RBFOX1: variants seen among roughly 807,000 people sequenced by gnomAD.
RBFOX1 encodes the protein RNA binding protein fox-1 homolog 1.
RBFOX1 carries 8 observed loss-of-function variants against 57.7 expected under a neutral mutation model. The ratio of observed to expected loss-of-function variants is 0.14; its 90% CI spans 0.08 to 0.25. The LOEUF (loss-of-function observed/expected upper bound fraction) is 0.25. Ranked by LOEUF, RBFOX1 falls within the 10% of genes least tolerant of loss-of-function variation. The pLI, the probability that RBFOX1 is intolerant of heterozygous loss-of-function variation, is 1.00. For synonymous variants in RBFOX1, 326 were observed against 222.4 expected (o/e 1.47, Z -4.15); for missense variants, 611 against 548.5 (o/e 1.11, Z -1.14).
intron 1 of RBFOX1, among the ~76,000 whole-genome samples, chr16:5,408,959 C>G (rs1441674777): frequency 6.6e-6 from 1 of 152,216 alleles, no homozygotes; most frequent in Non-Finnish European, 1.5e-5. Flanking sequence ...ACCTCTAATA[C>G]TGGGGATTAC....
At chr16:5,502,320 C>T (rs921398628) in intron 2 of RBFOX1, among the ~76,000 whole-genome samples, 2 of 152,162 alleles carry the variant, frequency 1.3e-5, no homozygotes, top group Non-Finnish European at 2.9e-5. Flanking sequence ...GACTTCTGTG[C>T]TGGTGTGTCC....
chr16:7,259,234 T>G (rs147407817), intron 4 of RBFOX1, among the ~76,000 whole-genome samples: 1 of 152,116 alleles, frequency 6.6e-6, no homozygotes, highest in African/African-American at 2.4e-5. Flanking sequence ...GCTATACAAT[T>G]AAACTGAAGG....
At chr16:6,677,599 C>T (rs886368000) in intron 3 of RBFOX1, among the ~76,000 whole-genome samples, 3 of 152,182 alleles carry the variant, frequency 2.0e-5, no homozygotes, top group African/African-American at 7.2e-5. Context: ...TAGAGCCTTA[C>T]ATTTTCAATC....
chr16:7,538,006 A>G (rs2081960347), intron 5 of RBFOX1, among the ~76,000 whole-genome samples: 1 of 152,224 alleles, frequency 6.6e-6, no homozygotes, highest in South Asian at 2.1e-4. Context: ...TTACTGGAAA[A>G]CAGAGATGAG....
At chr16:5,958,389 C>T (rs939016754) in intron 4 of RBFOX1, among the ~76,000 whole-genome samples, 2 of 152,164 alleles carry the variant, frequency 1.3e-5, no homozygotes, top group Non-Finnish European at 2.9e-5. Flanking sequence ...TTGCCTGCTC[C>T]CTCAAAGCCT....
At chr16:7,259,602 C>T (rs1603451921) in intron 4 of RBFOX1, among the ~76,000 whole-genome samples, 1 of 151,888 alleles carries the variant, frequency 6.6e-6, no homozygotes, top group African/African-American at 2.4e-5. Context: ...AGTTTAAACT[C>T]CAACACTTTC....
At chr16:7,147,219 G>T (rs552036417) in intron 4 of RBFOX1, among the ~76,000 whole-genome samples, 7 of 150,420 alleles carry the variant, frequency 4.7e-5, no homozygotes, top group Non-Finnish European at 7.4e-5. Flanking sequence ...TGGCCAGGCT[G>T]GTCAGGAACT....
intron 2 of RBFOX1, among the ~76,000 whole-genome samples, chr16:6,463,564 A>T (rs2094968930): frequency 6.6e-6 from 1 of 152,082 alleles, no homozygotes; most frequent in Non-Finnish European, 1.5e-5. Flanking sequence ...ACCCAAGCTG[A>T]TGCAAGCAAG....
At chr16:6,494,555 A>G (rs561052319) in intron 2 of RBFOX1, among the ~76,000 whole-genome samples, 2 of 152,210 alleles carry the variant, frequency 1.3e-5, no homozygotes, top group Non-Finnish European at 2.9e-5. Flanking sequence ...TGCATGGTAT[A>G]TATATGTACC....
intron 1 of RBFOX1, among the ~76,000 whole-genome samples, chr16:5,453,440 A>G (rs562060637): frequency 6.6e-6 from 1 of 152,296 alleles, no homozygotes; most frequent in South Asian, 2.1e-4. Context: ...CATACTGTAG[A>G]AGGATAGAGG....
intron 3 of RBFOX1, among the ~76,000 whole-genome samples, chr16:6,899,866 T>C (rs1393225859): frequency 1.3e-5 from 2 of 152,326 alleles, no homozygotes; most frequent in East Asian, 3.9e-4. Flanking sequence ...AGTAGGGCCA[T>C]GTCCAGGTGT....
chr16:6,107,198 C>T (rs749089201), intron 1 of RBFOX1, among the ~76,000 whole-genome samples: 1 of 151,910 alleles, frequency 6.6e-6, no homozygotes, highest in Non-Finnish European at 1.5e-5. Context: ...TTCTGGGTCC[C>T]CATCTGTGGC....
intron 4 of RBFOX1, among the ~76,000 whole-genome samples, chr16:5,953,354 G>A (rs9936566): frequency 0.18 from 26,616 of 151,256 alleles, 2,647 homozygotes; most frequent in Admixed American, 0.26. Context: ...AGGTTATTTG[G>A]GGACAGGTTA....
At chr16:6,319,144 C>G (rs1379273329) in intron 2 of RBFOX1, among the ~76,000 whole-genome samples, 1 of 152,080 alleles carries the variant, frequency 6.6e-6, no homozygotes, top group Non-Finnish European at 1.5e-5. Flanking sequence ...AGGATTTTAG[C>G]AGGAGCGATG....
chr16:6,889,009 G>T (rs1165353662), intron 3 of RBFOX1, among the ~76,000 whole-genome samples: 1 of 152,098 alleles, frequency 6.6e-6, no homozygotes, highest in Non-Finnish European at 1.5e-5. Flanking sequence ...CACTTAGATT[G>T]CAAATAAGTC....
At chr16:6,655,872 T>G (rs948837198) in intron 3 of RBFOX1, among the ~76,000 whole-genome samples, 2 of 152,202 alleles carry the variant, frequency 1.3e-5, no homozygotes, top group African/African-American at 4.8e-5. Context: ...TGCTGATTAA[T>G]AAGGTGGTGG....
intron 3 of RBFOX1, among the ~76,000 whole-genome samples, chr16:5,647,219 A>G (rs1244394117): frequency 6.6e-6 from 1 of 152,190 alleles, no homozygotes; most frequent in Non-Finnish European, 1.5e-5. Context: ...AGGTTTATGA[A>G]GCAAAACAGT....
intron 4 of RBFOX1, among the ~76,000 whole-genome samples, chr16:7,274,809 TGA>T (rs1247812444): frequency 6.6e-6 from 1 of 152,040 alleles, no homozygotes; most frequent in East Asian, 1.9e-4. Context: ...CTCAGCCTCC[TGA>T]GTATCTGGAA....
At chr16:5,535,173 C>T (rs2044646569) in intron 2 of RBFOX1, among the ~76,000 whole-genome samples, 1 of 152,172 alleles carries the variant, frequency 6.6e-6, no homozygotes, top group Admixed American at 6.5e-5. Context: ...AACTGAACAT[C>T]TAGTTCTTTA....
Sources: gnomAD v4.1 joint callset for allele counts (sites outside exome capture counted in the v4.1 genomes callset) on GRCh38, gnomAD v4.1.1 for gene constraint, MANE v1.5 for transcripts, NCBI Gene and HGNC (gene_info 2026-07-23, HGNC 2026-07-21) for gene names.